SDC2: variants seen among roughly 807,000 people sequenced by gnomAD.
SDC2 encodes syndecan-2.
In SDC2, 13 loss-of-function variants were observed where a neutral mutation model predicts 22.2. That is an observed-to-expected ratio of 0.59 (90% confidence interval 0.38 to 0.93). The LOEUF is 0.93. Ranked by LOEUF, SDC2 falls within the 40% of genes least tolerant of loss-of-function variation. SDC2 has a pLI of 0.00. For synonymous variants in SDC2, 94 were observed against 92.8 expected (o/e 1.01, Z -0.07); for missense variants, 235 against 246.8 (o/e 0.95, Z 0.32).
intron 3 of SDC2, among the ~76,000 whole-genome samples, chr8:96,605,331 T>C (rs1815059364): frequency 6.6e-6 from 1 of 152,236 alleles, no homozygotes; most frequent in Admixed American, 6.5e-5. Context: ...TCTTCCCTTT[T>C]CTAACTTGTA....
intron 1 of SDC2, among the ~76,000 whole-genome samples, chr8:96,511,933 A>G (rs1474596787): frequency 2.6e-5 from 4 of 152,178 alleles, no homozygotes; most frequent in Non-Finnish European, 5.9e-5. Context: ...ATAGTGGCTT[A>G]AAGTAGATTT....
At chr8:96,561,584 A>G (rs1446245590) in intron 1 of SDC2, among the ~76,000 whole-genome samples, 1 of 152,180 alleles carries the variant, frequency 6.6e-6, no homozygotes, top group Non-Finnish European at 1.5e-5. Flanking sequence ...TGTTTATTTC[A>G]TTGTTGTTAG....
chr8:96,550,873 T>C (rs1272039329), intron 1 of SDC2, among the ~76,000 whole-genome samples: 1 of 152,174 alleles, frequency 6.6e-6, no homozygotes, highest in African/African-American at 2.4e-5. Flanking sequence ...GTCAAAGTGC[T>C]TCCTGCTGAT....
intron 1 of SDC2, among the ~76,000 whole-genome samples, chr8:96,583,685 ATGTG>A (rs3064977): frequency 5.4e-4 from 77 of 142,616 alleles, no homozygotes; most frequent in African/African-American, 1.9e-3. Flanking sequence ...TTTGAAATAT[ATGTG>A]TGTGTGTGTG....
intron 1 of SDC2, among the ~76,000 whole-genome samples, chr8:96,589,612 T>C (rs966512710): frequency 6.6e-6 from 1 of 152,214 alleles, no homozygotes; most frequent in Non-Finnish European, 1.5e-5. Context: ...AGTTTCACCA[T>C]GTTGGCCAGG....
At chr8:96,526,872 C>G (rs1451577340) in intron 1 of SDC2, among the ~76,000 whole-genome samples, 4 of 152,082 alleles carry the variant, frequency 2.6e-5, no homozygotes, top group Non-Finnish European at 5.9e-5. Context: ...AGGCTCGGAC[C>G]TGCAGGGGAG....
At chr8:96,555,865 T>A (rs1217292673) in intron 1 of SDC2, among the ~76,000 whole-genome samples, 1 of 152,174 alleles carries the variant, frequency 6.6e-6, no homozygotes, top group African/African-American at 2.4e-5. Flanking sequence ...TAAACTTCTT[T>A]GTTTGTTTCA....
At chr8:96,506,532 A>C (rs745436598) in intron 1 of SDC2, among the ~76,000 whole-genome samples, 1 of 152,068 alleles carries the variant, frequency 6.6e-6, no homozygotes, top group African/African-American at 2.4e-5. Flanking sequence ...GCTGCAGTGC[A>C]GTGGTGTGAT....
chr8:96,495,803 T>A (rs911942851), intron 1 of SDC2, among the ~76,000 whole-genome samples: 1 of 152,142 alleles, frequency 6.6e-6, no homozygotes, highest in Non-Finnish European at 1.5e-5. Flanking sequence ...TCTTTGTGGT[T>A]GGAGAGCATG....
intron 1 of SDC2, among the ~76,000 whole-genome samples, chr8:96,503,438 T>A (rs1318008900): frequency 1.3e-5 from 2 of 152,324 alleles, no homozygotes; most frequent in East Asian, 3.9e-4. Flanking sequence ...CTATGTATAG[T>A]GAGACCTTGG....
chr8:96,537,696 T>A (rs1181754124), intron 1 of SDC2, among the ~76,000 whole-genome samples: 1 of 152,222 alleles, frequency 6.6e-6, no homozygotes, highest in Non-Finnish European at 1.5e-5. Context: ...GATGCTATTT[T>A]AATGAGTATT....
intron 1 of SDC2, among the ~76,000 whole-genome samples, chr8:96,575,431 T>C (rs1234269913): frequency 6.6e-6 from 1 of 152,142 alleles, no homozygotes; most frequent in Non-Finnish European, 1.5e-5. Flanking sequence ...GTTACTCTCT[T>C]TATGTTTGTT....
intron 1 of SDC2, among the ~76,000 whole-genome samples, chr8:96,497,905 GA>G (rs1813099840): frequency 6.6e-6 from 1 of 152,218 alleles, no homozygotes; most frequent in African/African-American, 2.4e-5. Flanking sequence ...TCCCAAGGCA[GA>G]AGGGTGCATT....
At chr8:96,494,382 A>G (rs1282209914) in intron 1 of SDC2, 51 bp downstream of exon 1, 25 of 1,519,248 alleles carry the variant, frequency 1.6e-5, no homozygotes, top group Non-Finnish European at 2.1e-5. Context: ...GTTTGAAGCT[A>G]CGAGAGGAGC....
rs142360244 is a variant in SDC2 at position 96,563,864 on chromosome 8, G to A, written c.61-29616G>A. Reference sequence around the variant, plus strand: ...TTGTCCATAAAACTACTGATGAATTGAAGGTTATACTTCTGTTTCCTCTCT... The same window carrying A: ...TTGTCCATAAAACTACTGATGAATTAAAGGTTATACTTCTGTTTCCTCTCT... On this transcript the variant is annotated intron_variant, in intron 1 of 4. Transcript: ENST00000302190. 2.0e-5 allele frequency among the ~76,000 whole-genome samples: 3 copies of A among 152,274 alleles called. No individual in the cohort carries two copies. In the East Asian group the frequency reaches 5.8e-4, roughly 29 times the overall value.
intron 1 of SDC2, among the ~76,000 whole-genome samples, chr8:96,547,404 A>C (rs1813951192): frequency 6.6e-6 from 1 of 152,184 alleles, no homozygotes; most frequent in African/African-American, 2.4e-5. Flanking sequence ...ACTCAAGCTC[A>C]CCCATAAACT....
chr8:96,522,211 A>C (rs562806893), intron 1 of SDC2, among the ~76,000 whole-genome samples: 1 of 152,366 alleles, frequency 6.6e-6, no homozygotes, highest in Admixed American at 6.5e-5. Flanking sequence ...ATGTTAGGAC[A>C]AGAGGTCCCA....
In SDC2 at chr8:96,511,944, A is replaced by G. The variant is rs537020861; in HGVS notation, c.60+17613A>G. Among the ~76,000 whole-genome samples the G allele has an allele frequency of 2.0e-5, 3 of 152,264 alleles. No individual in the cohort carries two copies. The South Asian group carries it at 6.2e-4, about 32-fold the overall frequency. ...AAACATAGTGGCTTAAAGTAGATTT[A>G]TTTCTGTTTGACACAACAGTCCCAA... On this transcript the variant is annotated intron_variant, in intron 1 of 4. Transcript: ENST00000302190.
chr8:96,548,947 G>A (rs1301949036), intron 1 of SDC2, among the ~76,000 whole-genome samples: 2 of 152,144 alleles, frequency 1.3e-5, no homozygotes, highest in Admixed American at 1.3e-4. Flanking sequence ...AGAAAACAGG[G>A]TACACGTGGA....
Sources: allele counts gnomAD v4.1 joint callset (sites outside exome capture counted in the v4.1 genomes callset), GRCh38; gene constraint gnomAD v4.1.1; transcripts MANE v1.5; gene names NCBI Gene and HGNC (gene_info 2026-07-23, HGNC 2026-07-21).